DNAH10: variants seen among roughly 807,000 people sequenced by gnomAD.
The protein encoded by DNAH10 is dynein axonemal heavy chain 10, also known as axonemal beta dynein heavy chain 10.
DNAH10 carries 348 observed loss-of-function variants against 506.6 expected under a neutral mutation model. The ratio of observed to expected loss-of-function variants is 0.69; its 90% CI spans 0.63 to 0.75. The LOEUF (loss-of-function observed/expected upper bound fraction) is 0.75, where lower values mean the gene tolerates loss of function less well. DNAH10 is among the 30% of genes least tolerant of loss of function. The pLI is 0.00. For synonymous variants in DNAH10, 2,059 were observed against 2,198.6 expected (o/e 0.94, Z 1.78); for missense variants, 5,179 against 5,787.1 (o/e 0.89, Z 3.41).
chr12:123,825,725 A>T (rs570185909), intron 24 of DNAH10, among the ~76,000 whole-genome samples: 8 of 152,266 alleles, frequency 5.3e-5, no homozygotes, highest in Admixed American at 5.2e-4. Flanking sequence ...TGCTATCTTG[A>T]TTGTGGTGGT....
intron 7 of DNAH10, 94 bp downstream of exon 7, chr12:123,783,358 T>C: frequency 6.9e-7 from 1 of 1,451,342 alleles, no homozygotes; most frequent in Non-Finnish European, 9.4e-7. Flanking sequence ...TCATCTGGCA[T>C]CTTTTCTTAC....
chr12:123,879,937 C>G, intron 50 of DNAH10, 136 bp downstream of exon 50: 1 of 1,069,874 alleles, frequency 9.3e-7, no homozygotes, highest in Non-Finnish European at 1.3e-6. Context: ...GGGCTTGTGT[C>G]TGGTCCGGTG....
At chr12:123,772,661 G>T (rs1283347682) in intron 3 of DNAH10, among the ~76,000 whole-genome samples, 173 bp from the exon 4 acceptor site, 1 of 152,202 alleles carries the variant, frequency 6.6e-6, no homozygotes, top group Admixed American at 6.5e-5. Context: ...CAGAGTCTGG[G>T]TGCATTTAGC....
intron 2 of DNAH10, 117 bp downstream of exon 2, chr12:123,767,806 A>G: frequency 1.2e-6 from 1 of 842,420 alleles, no homozygotes; most frequent in Non-Finnish European, 1.9e-6. Flanking sequence ...ATGAACCACA[A>G]AGAGAAAGTG....
At chr12:123,852,540 T>C (rs1951214853) in intron 35 of DNAH10, among the ~76,000 whole-genome samples, 1 of 151,968 alleles carries the variant, frequency 6.6e-6, no homozygotes, top group Non-Finnish European at 1.5e-5. Flanking sequence ...TTGCCATAGA[T>C]GAGGTGGCTG....
intron 48 of DNAH10, among the ~76,000 whole-genome samples, chr12:123,878,149 C>G (rs1389656441): frequency 6.6e-6 from 1 of 152,214 alleles, no homozygotes; most frequent in African/African-American, 2.4e-5. Context: ...TATCACACCC[C>G]TTGGGCAGGC....
intron 24 of DNAH10, among the ~76,000 whole-genome samples, chr12:123,825,243 T>C (rs1434285362): frequency 6.6e-6 from 1 of 152,018 alleles, no homozygotes; most frequent in East Asian, 1.9e-4. Flanking sequence ...AAAAAATCAA[T>C]GGAGTGTGGC....
intron 21 of DNAH10, among the ~76,000 whole-genome samples, 171 bp from the exon 22 acceptor site, chr12:123,818,779 A>G (rs1390608992): frequency 2.0e-5 from 3 of 152,152 alleles, no homozygotes; most frequent in Non-Finnish European, 2.9e-5. Context: ...ATGTAATCCC[A>G]GTCTGGCCAT....
intron 19 of DNAH10, among the ~76,000 whole-genome samples, chr12:123,812,279 A>G (rs915721449): frequency 7.9e-5 from 12 of 152,118 alleles, no homozygotes; most frequent in South Asian, 2.1e-4. Flanking sequence ...GTGAAACCCC[A>G]TCTCTACTAA....
intron 52 of DNAH10, 125 bp from the exon 53 acceptor site, chr12:123,893,108 C>A: frequency 9.9e-7 from 1 of 1,014,718 alleles, no homozygotes; most frequent in Non-Finnish European, 1.5e-6. Flanking sequence ...TCAGGTCAGG[C>A]CCACACGCTG....
intron 16 of DNAH10, 62 bp from the exon 17 acceptor site, chr12:123,803,599 T>G (rs1296012001): frequency 1.4e-6 from 2 of 1,415,012 alleles, no homozygotes; most frequent in Non-Finnish European, 1.9e-6. Flanking sequence ...CAGACGTTGG[T>G]GGGGGGATGT....
intron 60 of DNAH10, 116 bp from the exon 61 acceptor site, chr12:123,914,213 A>C (rs905653687): frequency 2.2e-6 from 2 of 897,514 alleles, no homozygotes; most frequent in African/African-American, 3.4e-5. Context: ...ATCTCAAAAC[A>C]TGTTTCCATC....
intron 41 of DNAH10, 34 bp from the exon 42 acceptor site, chr12:123,867,433 C>A: frequency 1.9e-6 from 3 of 1,595,166 alleles, no homozygotes; most frequent in South Asian, 1.1e-5. Context: ...ATAAACAAAC[C>A]CTTGAAATGC....
At chr12:123,805,235 A>G (rs889095021) in intron 18 of DNAH10, among the ~76,000 whole-genome samples, 195 bp downstream of exon 18, 30 of 152,180 alleles carry the variant, frequency 2.0e-4, no homozygotes, top group African/African-American at 7.0e-4. Flanking sequence ...ATTCCAAAAA[A>G]GAAAGGATCC....
chr12:123,885,007 A>G (rs1320673345), intron 51 of DNAH10, among the ~76,000 whole-genome samples: 1 of 152,194 alleles, frequency 6.6e-6, no homozygotes, highest in Non-Finnish European at 1.5e-5. Context: ...GGGCTGTCTC[A>G]ATAAACCCAT....
At chr12:123,924,640 G>GTCCATCCATCCATCCA (rs201642127) in intron 67 of DNAH10, among the ~76,000 whole-genome samples, 71 of 151,698 alleles carry the variant, frequency 4.7e-4, no homozygotes, top group African/African-American at 1.6e-3. Context: ...CTGTCCGTCC[G>GTCCATCCATCCATCCA]TCCATCCATC....
Position 123,919,118 on chromosome 12 carries a change from C to A in DNAH10, c.11506+169C>A. The A allele has an allele frequency of 2.3e-6, 2 of 872,792 alleles. No individual in the cohort carries two copies. The highest frequency in any genetic ancestry group is 1.7e-6 in the Non-Finnish European group (1 of 604,548). The allele number at this position is 872,792 out of a possible 1,614,324, so 54.1% of individuals were successfully genotyped here. A position where few individuals can be genotyped will look rare whatever the true frequency, so the allele number is the denominator to read the frequency against. ...TGAGATAGGGTCTTGCTCCATCACC[C>A]AGGCTGGAATGCAGTGGTGCGATCA... On this transcript the variant is annotated intron_variant, in intron 65 of 78. Transcript: ENST00000673944. The surrounding 1 kb of genome is among the most constrained non-coding windows in gnomAD (Gnocchi z 4.9).
At chr12:123,914,728 C>G (rs1954388898) in intron 61 of DNAH10, 124 bp from the exon 62 acceptor site, 22 of 1,443,384 alleles carry the variant, frequency 1.5e-5, no homozygotes, top group Non-Finnish European at 2.0e-5. Context: ...TCTCCCTGGC[C>G]TCTGAGGAGG....
chr12:123,770,974 C>T (rs551203459), intron 2 of DNAH10, among the ~76,000 whole-genome samples: 5,741 of 126,282 alleles, frequency 0.045, 376 homozygotes, highest in African/African-American at 0.14. Context: ...AGCTGTAATT[C>T]TTTTTTTTTT....
Sources: gnomAD v4.1 joint callset for allele counts (sites outside exome capture counted in the v4.1 genomes callset) on GRCh38, gnomAD v4.1.1 for gene constraint, Gnocchi (gnomAD v3.1) non-coding constraint, MANE v1.5 for transcripts, NCBI Gene and HGNC (gene_info 2026-07-23, HGNC 2026-07-21) for gene names.